Variants in RBBP6 observed in about 807,000 individuals in gnomAD.
RBBP6 encodes E3 ubiquitin-protein ligase RBBP6.
RBBP6 carries 25 observed loss-of-function variants against 167.7 expected under a neutral mutation model. The observed-to-expected ratio is 0.15, with a 90% confidence interval of 0.11 to 0.21. The LOEUF is 0.21. Among genes scored for constraint, RBBP6 ranks in the 10% least tolerant of loss-of-function variants. RBBP6 has a pLI of 1.00. For synonymous variants in RBBP6, 789 were observed against 735.8 expected (o/e 1.07, Z -1.17); for missense variants, 1,868 against 2,134.2 (o/e 0.88, Z 2.46).
intron 10 of RBBP6, 142 bp downstream of exon 10, chr16:24,562,303 C>G: frequency 1.2e-6 from 1 of 802,424 alleles, no homozygotes; most frequent in East Asian, 2.6e-5. Flanking sequence ...GTGACTTAGT[C>G]TTATTGGGGG....
chr16:24,568,818 A>G lies in RBBP6; in HGVS notation c.2128A>G (p.Thr710Ala). The stretch of plus-strand genomic sequence containing the variant: ...TTATTCTAAATCAAGATCTGGTTCA[A>G]CACGTTCACGCTCTTATTCTCGATC... The part of the protein sequence containing the change: ...YTYSKSRSGS[T>A]RSRSYSRSFS... Residue 710 changes from threonine to alanine, a missense_variant, in exon 17 of 18, where the codon ACA becomes GCA. Coordinates refer to ENST00000319715, the MANE Select transcript of RBBP6 (RefSeq NM_006910.5). The G allele has an allele frequency of 6.2e-7, 1 of 1,614,250 alleles. No homozygotes were observed. Among genetic ancestry groups the G allele is most frequent in the Non-Finnish European group, 8.5e-7 (1 of 1,180,038 alleles).
intron 2 of RBBP6, 122 bp from the exon 3 acceptor site, chr16:24,548,823 A>G: frequency 1.3e-6 from 1 of 782,954 alleles, no homozygotes; most frequent in Non-Finnish European, 2.0e-6. Flanking sequence ...GCTGTTAAAT[A>G]TTTATACCAA....
chr16:24,541,265 G>A (rs1364420933), intron 1 of RBBP6, among the ~76,000 whole-genome samples: 3 of 149,418 alleles, frequency 2.0e-5, no homozygotes, highest in African/African-American at 7.4e-5. Flanking sequence ...TTTATGTCCT[G>A]CCTTCCTCCC....
chr16:24,571,685 G>C lies in RBBP6; in HGVS notation c.4619G>C (p.Arg1540Thr), dbSNP rs1359440608. ...KKSNSSPSRDRKPHDHKATYD... is the reference protein window; with the variant it reads ...KKSNSSPSRDTKPHDHKATYD... ...AGTAATTCTAGTCCCTCAAGAGACA[G>C]AAAACCTCATGATCACAAAGCCACT... Residue 1540 changes from arginine to threonine, a missense_variant, in exon 18 of 18, where the codon AGA becomes ACA. Physicochemically the swap from Arg to Thr is moderately conservative, Grantham distance 71. This residue lies in a region of RBBP6 where 591 missense variants were observed against 540.5 expected (regional missense o/e 1.09). Transcript: ENST00000319715. 1.9e-6 allele frequency: 3 copies of C among 1,614,102 alleles called. No homozygotes were observed. The Admixed American group carries it at 5.0e-5, about 27-fold the overall frequency.
Position 24,572,440 on chromosome 16 carries a change from G to C in RBBP6, c.5374G>C (p.Val1792Leu). Residue 1792 changes from valine (V) to leucine (L), a missense_variant, in exon 18 of 18, where the codon GTG becomes CTG. Val to Leu is a conservative substitution (Grantham distance 32). This residue lies in a region of RBBP6 where 591 missense variants were observed against 540.5 expected (regional missense o/e 1.09). Transcript: ENST00000319715. ...TGACCAAAAAGTGAAATCTGTCACT[G>C]TGTAAAAAGACAGATTTTTTAAATT... ...KDDQKVKSVT[V>L] The C allele has an allele frequency of 6.6e-7, 1 of 1,521,180 alleles. No homozygotes were observed. The highest frequency in any genetic ancestry group is 8.8e-7 in the Non-Finnish European group (1 of 1,139,214). The allele number at this position is 1,521,180 out of a possible 1,614,324, so 94.2% of individuals were successfully genotyped here.
intron 3 of RBBP6, among the ~76,000 whole-genome samples, chr16:24,550,466 G>A (rs1898772015): frequency 6.6e-6 from 1 of 150,776 alleles, no homozygotes; most frequent in African/African-American, 2.4e-5. Flanking sequence ...CCAAATGCTA[G>A]CATAAATTAG....
chr16:24,572,542 A>G lies in RBBP6; in HGVS notation c.*97A>G. On this transcript the variant is annotated 3_prime_UTR_variant, in exon 18 of 18. Transcript: ENST00000319715. Reference sequence around the variant, plus strand: ...TCAAGCCTTGTAAATAATGACATGGAAGACCCTGTGCTGCACTTAAAATAT... The same window carrying G: ...TCAAGCCTTGTAAATAATGACATGGGAGACCCTGTGCTGCACTTAAAATAT... The G allele has an allele frequency of 7.1e-7, 1 of 1,400,820 alleles. No individual in the cohort carries two copies. The highest frequency in any genetic ancestry group is 9.4e-7 in the Non-Finnish European group (1 of 1,067,122). The allele number at this position is 1,400,820 out of a possible 1,614,324, so 86.8% of individuals were successfully genotyped here.
Position 24,572,628 on chromosome 16 carries a change from T to G in RBBP6, c.*183T>G. The stretch of plus-strand genomic sequence containing the variant: ...TATAACACGAACTTTTGTACAGAAT[T>G]GTGAGTTGTGACCATGTAACATGAG... On this transcript the variant is annotated 3_prime_UTR_variant, in exon 18 of 18. Coordinates refer to ENST00000319715, the MANE Select transcript of RBBP6 (RefSeq NM_006910.5). The G allele has an allele frequency of 1.2e-6, 1 of 854,174 alleles. No individual in the cohort carries two copies. The highest frequency in any genetic ancestry group is 1.7e-6 in the Non-Finnish European group (1 of 594,988). 52.9% of individuals were successfully genotyped at this position (854,174 alleles called of 1,614,324 possible).
chr16:24,565,780 G>T (rs1265831924), intron 14 of RBBP6, among the ~76,000 whole-genome samples: 1 of 152,196 alleles, frequency 6.6e-6, no homozygotes, highest in Non-Finnish European at 1.5e-5. Flanking sequence ...CATAACAAGA[G>T]TTTTGGCCAG....
Position 24,569,598 on chromosome 16 carries a change from A to G in RBBP6, c.2908A>G (p.Lys970Glu). 6.2e-7 allele frequency: 1 copy of G among 1,612,406 alleles called. No homozygotes were observed. The highest frequency in any genetic ancestry group is 8.5e-7 in the Non-Finnish European group (1 of 1,179,634). The change falls in exon 17 of 18, where the codon AAA becomes GAA. Residue 970 changes from lysine (K) to glutamate (E), a missense_variant. This residue lies in a region of RBBP6 where 673 missense variants were observed against 691.5 expected (regional missense o/e 0.97). Transcript: ENST00000319715. ...AGAACCTACAGGTGTTGAAGAAAAT[A>G]AAACAGACTCATTGTTTGTTCTCCC... is the stretch of plus-strand genomic sequence containing the variant. ...SREPTGVEENKTDSLFVLPSR... is the reference protein window; with the variant it reads ...SREPTGVEENETDSLFVLPSR...
rs1898441290 is a variant in RBBP6 at position 24,539,998 on chromosome 16, C to T, written c.-629C>T. ...CCTCCGCCGACCGCGCGTTTTCGGC[C>T]TAGGCCGTGGGGCCGCTCGTGGCCT... On this transcript the variant is annotated 5_prime_UTR_variant, in exon 1 of 18. Coordinates refer to ENST00000319715, the MANE Select transcript of RBBP6 (RefSeq NM_006910.5). 2 of 152,580 alleles carry T rather than the reference C, an allele frequency of 1.3e-5. No homozygotes were observed. The highest frequency in any genetic ancestry group is 1.3e-4 in the Admixed American group (2 of 15,292). The allele number at this position is 152,580 out of a possible 1,614,324, so 9.5% of individuals were successfully genotyped here. A position where few individuals can be genotyped will look rare whatever the true frequency, so the allele number is the denominator to read the frequency against.
intron 11 of RBBP6, 48 bp from the exon 12 acceptor site, chr16:24,563,370 CTTTTT>C: frequency 1.1e-5 from 15 of 1,308,004 alleles, no homozygotes; most frequent in South Asian, 3.0e-5. Flanking sequence ...GTTCTTACCT[CTTTTT>C]TTTTTTTTTT....
chr16:24,572,519 A>T lies in RBBP6; in HGVS notation c.*74A>T. The T allele has an allele frequency of 1.4e-6, 2 of 1,445,980 alleles. No homozygotes were observed. The highest frequency in any genetic ancestry group is 1.8e-6 in the Non-Finnish European group (2 of 1,104,014). 89.6% of individuals were successfully genotyped at this position (1,445,980 alleles called of 1,614,324 possible). A position where few individuals can be genotyped will look rare whatever the true frequency, so the allele number is the denominator to read the frequency against. ...ATTTTGTTATAATGTAAAGAGATTC[A>T]AGCCTTGTAAATAATGACATGGAAG... On this transcript the variant is annotated 3_prime_UTR_variant, in exon 18 of 18. Coordinates refer to ENST00000319715, the MANE Select transcript of RBBP6 (RefSeq NM_006910.5).
In RBBP6 at chr16:24,569,093, A is replaced by G; in HGVS notation, c.2403A>G (p.Glu801=). Residue 801 remains glutamate (E), a synonymous_variant, in exon 17 of 18, where the codon GAA becomes GAG. Coordinates refer to ENST00000319715, the MANE Select transcript of RBBP6 (RefSeq NM_006910.5). ...GTGAATATTTTAATAGATACAGAGA[A>G]GTTCCACCACCATATGACATGAAAG... is the stretch of plus-strand genomic sequence containing the variant. The part of the protein sequence containing the change: ...TEREYFNRYR[E]VPPPYDMKAY... 1 of 1,614,018 alleles carries G rather than the reference A, an allele frequency of 6.2e-7. No homozygotes were observed. Among genetic ancestry groups the G allele is most frequent in the Non-Finnish European group, 8.5e-7 (1 of 1,179,960 alleles).
At chr16:24,570,658 A>G (rs575713527) in intron 17 of RBBP6, among the ~76,000 whole-genome samples, 159 bp downstream of exon 17, 1 of 152,184 alleles carries the variant, frequency 6.6e-6, no homozygotes, top group Non-Finnish European at 1.5e-5. Context: ...GGGAATTGCC[A>G]AAGACAAGGT....
Position 24,551,618 on chromosome 16 carries a change from A to T in RBBP6, c.304-1895A>T, listed in dbSNP as rs1207720107. On this transcript the variant is annotated intron_variant, in intron 3 of 17. Coordinates refer to ENST00000319715, the MANE Select transcript of RBBP6 (RefSeq NM_006910.5). The stretch of plus-strand genomic sequence containing the variant: ...AAGTTAGCAGAAAGCTTAAAAGCAC[A>T]CAAAAGCCCAGCATAAAAACAAAAA... Among the ~76,000 whole-genome samples the T allele has an allele frequency of 2.0e-5, 3 of 151,818 alleles. No individual in the cohort carries two copies. The East Asian group carries it at 5.8e-4, about 29-fold the overall frequency.
At chr16:24,564,701 G>T in intron 13 of RBBP6, 96 bp from the exon 14 acceptor site, 1 of 1,400,272 alleles carries the variant, frequency 7.1e-7, no homozygotes. Context: ...AGTTTTCAGA[G>T]TAGTTAAAAT....
At chr16:24,552,689 C>T (rs527925910) in intron 3 of RBBP6, among the ~76,000 whole-genome samples, 1 of 151,944 alleles carries the variant, frequency 6.6e-6, no homozygotes, top group East Asian at 1.9e-4. Context: ...ACATCTTTTA[C>T]ACAAAGATGC....
intron 2 of RBBP6, 128 bp downstream of exon 2, chr16:24,546,390 G>A: frequency 1.8e-6 from 2 of 1,120,732 alleles, no homozygotes; most frequent in Non-Finnish European, 2.3e-6. Flanking sequence ...TCTCAAGACT[G>A]TGAGGATAGT....
Sources: gnomAD v4.1 joint callset for allele counts (sites outside exome capture counted in the v4.1 genomes callset) on GRCh38, gnomAD v4.1.1 for gene constraint, gnomAD v4.1.1 regional missense constraint, MANE v1.5 for transcripts, NCBI Gene and HGNC (gene_info 2026-07-23, HGNC 2026-07-21) for gene names.